Variants in CALN1 observed in about 807,000 individuals in gnomAD.
The protein encoded by CALN1 is calcium-binding protein 8.
A neutral mutation model predicts 30.6 loss-of-function variants in CALN1; 17 were observed. The observed-to-expected ratio is 0.56, with a 90% CI of 0.38 to 0.83. The LOEUF (loss-of-function observed/expected upper bound fraction) is 0.83, where lower values mean the gene tolerates loss of function less well. Ranked by LOEUF, CALN1 falls within the 40% of genes least tolerant of loss-of-function variation. The pLI, the probability that CALN1 is intolerant of heterozygous loss-of-function variation, is 0.00. For synonymous variants in CALN1, 156 were observed against 131.4 expected (o/e 1.19, Z -1.28); for missense variants, 291 against 354.9 (o/e 0.82, Z 1.45).
At chr7:72,267,035 G>A (rs1318134183) in intron 3 of CALN1, among the ~76,000 whole-genome samples, 1 of 152,182 alleles carries the variant, frequency 6.6e-6, no homozygotes, top group Non-Finnish European at 1.5e-5. Context: ...CTCATTCATT[G>A]CGTAGGTTTT....
chr7:72,027,510 A>C (rs1195212987), intron 4 of CALN1, among the ~76,000 whole-genome samples: 1 of 151,828 alleles, frequency 6.6e-6, no homozygotes, highest in African/African-American at 2.4e-5. Flanking sequence ...CAGGAGTTTG[A>C]GACCAGCTTG....
chr7:72,054,990 T>C (rs1803160711), intron 4 of CALN1, among the ~76,000 whole-genome samples: 1 of 152,072 alleles, frequency 6.6e-6, no homozygotes, highest in East Asian at 1.9e-4. Context: ...ATCCCTGAGG[T>C]CTAACCTGAT....
At chr7:72,326,460 G>A (rs1050735840) in intron 2 of CALN1, among the ~76,000 whole-genome samples, 12 of 152,218 alleles carry the variant, frequency 7.9e-5, no homozygotes, top group African/African-American at 2.7e-4. Flanking sequence ...CTGCTGAGAT[G>A]GAATATGTGT....
At chr7:72,472,057 A>C in the CALN1 span, among the ~76,000 whole-genome samples, 1 of 151,988 alleles carries the variant, frequency 6.6e-6, no homozygotes, top group Non-Finnish European at 1.5e-5. Context: ...CGACCTCCCA[A>C]AGTGCTGGGA....
At chr7:71,874,008 C>T (rs879462275) in intron 5 of CALN1, among the ~76,000 whole-genome samples, 1 of 152,198 alleles carries the variant, frequency 6.6e-6, no homozygotes, top group Non-Finnish European at 1.5e-5. Flanking sequence ...GGTGCAGTGG[C>T]TCACGCCTGT....
chr7:71,851,208 AACACACAC>A (rs56041427), intron 5 of CALN1, among the ~76,000 whole-genome samples: 87 of 132,174 alleles, frequency 6.6e-4, no homozygotes, highest in African/African-American at 8.3e-4. Context: ...CCTTGTCTCA[AACACACAC>A]ACACACACAC....
chr7:72,243,882 T>C (rs1794998570), intron 3 of CALN1, among the ~76,000 whole-genome samples: 1 of 152,222 alleles, frequency 6.6e-6, no homozygotes, highest in Non-Finnish European at 1.5e-5. Flanking sequence ...CTGAAACATA[T>C]GACATACTTC....
At chr7:72,482,929 A>G in the CALN1 span, among the ~76,000 whole-genome samples, 1,029 of 152,282 alleles carry the variant, frequency 6.8e-3, 5 homozygotes, top group Non-Finnish European at 0.011. Flanking sequence ...TTCTGTGTCC[A>G]AAGAACTCTT....
intron 5 of CALN1, among the ~76,000 whole-genome samples, chr7:71,886,288 C>A (rs1376337055): frequency 6.6e-6 from 1 of 152,236 alleles, no homozygotes; most frequent in African/African-American, 2.4e-5. Context: ...GTCACAGCAG[C>A]CCAAGTTGGA....
intron 3 of CALN1, among the ~76,000 whole-genome samples, chr7:72,223,494 G>A (rs1390055527): frequency 6.6e-6 from 1 of 152,116 alleles, no homozygotes; most frequent in Non-Finnish European, 1.5e-5. Context: ...CAATGCTAGT[G>A]AACTGGAGGA....
At chr7:71,984,373 A>T (rs558608636) in intron 5 of CALN1, among the ~76,000 whole-genome samples, 20 of 152,302 alleles carry the variant, frequency 1.3e-4, no homozygotes, top group Non-Finnish European at 2.5e-4. Flanking sequence ...ATCAGAATCT[A>T]CTCATCTCAT....
In CALN1 at chr7:71,830,691, G is replaced by A. The variant is rs963164749; in HGVS notation, c.502-20199C>T. On this transcript the variant is annotated intron_variant, in intron 5 of 6. Transcript: ENST00000395275. ...AGTAATAAACTGAGAAAAAGTCCTC[G>A]AACTTGGTTCTTACTCAGATACCAT... 4.6e-5 allele frequency among the ~76,000 whole-genome samples: 7 copies of A among 152,120 alleles called. No individual in the cohort carries two copies. In the East Asian group the frequency reaches 1.2e-3, roughly 25 times the overall value.
chr7:72,132,058 A>G (rs1385688591), intron 3 of CALN1, among the ~76,000 whole-genome samples: 1 of 151,538 alleles, frequency 6.6e-6, no homozygotes, highest in Non-Finnish European at 1.5e-5. Context: ...ATATATGTTT[A>G]TTGATATATA....
At chr7:72,393,127 C>G (rs150658578) in intron 2 of CALN1, among the ~76,000 whole-genome samples, 5 of 152,224 alleles carry the variant, frequency 3.3e-5, no homozygotes, top group African/African-American at 1.2e-4. Context: ...AAAGCAGCCC[C>G]GCCACAAGCA....
chr7:71,904,502 T>C (rs968341256), intron 5 of CALN1, among the ~76,000 whole-genome samples: 1 of 152,188 alleles, frequency 6.6e-6, no homozygotes, highest in South Asian at 2.1e-4. Context: ...GTTTATCTCA[T>C]AGAAGTTGAG....
chr7:72,283,125 C>A (rs1797845809), intron 2 of CALN1, among the ~76,000 whole-genome samples: 1 of 151,824 alleles, frequency 6.6e-6, no homozygotes, highest in African/African-American at 2.4e-5. Flanking sequence ...TACCTCTGCC[C>A]TTATTAGCCA....
chr7:72,056,430 TG>T (rs1803260131), intron 4 of CALN1, among the ~76,000 whole-genome samples: 1 of 151,688 alleles, frequency 6.6e-6, no homozygotes, highest in South Asian at 2.1e-4. Context: ...AAAAATCGAA[TG>T]GAAAAAAGGA....
intron 5 of CALN1, among the ~76,000 whole-genome samples, chr7:71,827,065 G>A (rs943803145): frequency 1.1e-4 from 17 of 152,212 alleles, no homozygotes; most frequent in Non-Finnish European, 1.5e-5. Context: ...TCCAGGTCAC[G>A]TCGCAGAGCC....
intron 2 of CALN1, among the ~76,000 whole-genome samples, chr7:72,358,941 C>T (rs976192455): frequency 9.5e-5 from 14 of 147,914 alleles, no homozygotes; most frequent in Admixed American, 8.0e-4. Context: ...TCCAGCCTGG[C>T]TGACAAGGTG....
Sources: gnomAD v4.1 joint callset for allele counts (sites outside exome capture counted in the v4.1 genomes callset) on GRCh38, gnomAD v4.1.1 for gene constraint, MANE v1.5 for transcripts, NCBI Gene and HGNC (gene_info 2026-07-23, HGNC 2026-07-21) for gene names.